The following ERG variants were observed in gnomAD, a reference collection of about 807,000 sequenced individuals.
The protein encoded by ERG is ETS transcription factor ERG.
A neutral mutation model predicts 55.3 loss-of-function variants in ERG; 9 were observed. The observed-to-expected ratio is 0.16, with a 90% CI of 0.10 to 0.28. The LOEUF (loss-of-function observed/expected upper bound fraction) is 0.28, where lower values mean the gene tolerates loss of function less well. Ranked by LOEUF, ERG falls within the 10% of genes least tolerant of loss-of-function variation. The probability of loss-of-function intolerance (pLI) is 1.00; values close to 1 mark genes in which losing one functional copy is unlikely to be tolerated. For synonymous variants in ERG, 223 were observed against 237.3 expected, an observed-to-expected ratio of 0.94 and a Z score of 0.55; for missense variants, 434 against 631.6, an observed-to-expected ratio of 0.69 and a Z score of 3.35.
At chr21:38,402,725 A>AG in intron 4 of ERG, 88 bp from the exon 5 acceptor site, 1 of 861,970 alleles carries the variant, frequency 1.2e-6, no homozygotes, top group Non-Finnish European at 1.7e-6. Context: ...AAAAAAAAAA[A>AG]AAAAAAGAAA....
intron 2 of ERG, among the ~76,000 whole-genome samples, chr21:38,544,864 A>G (rs1479700203): frequency 6.6e-6 from 1 of 151,888 alleles, no homozygotes; most frequent in Non-Finnish European, 1.5e-5. Flanking sequence ...TTTTCCCAGG[A>G]CCTTTATCAA....
chr21:38,627,673 T>C (rs970477336), intron 1 of ERG, among the ~76,000 whole-genome samples: 1 of 152,152 alleles, frequency 6.6e-6, no homozygotes, highest in Admixed American at 6.5e-5. Flanking sequence ...CTGACAAGAA[T>C]GTTTGAAATG....
At chr21:38,549,590 T>A (rs563807893) in intron 2 of ERG, among the ~76,000 whole-genome samples, 27 of 152,346 alleles carry the variant, frequency 1.8e-4, no homozygotes, top group Admixed American at 1.4e-3. Context: ...GTATGTAACA[T>A]GCCAAAGTCA....
chr21:38,559,620 T>C (rs2059880370), intron 2 of ERG, among the ~76,000 whole-genome samples: 1 of 152,168 alleles, frequency 6.6e-6, no homozygotes, highest in Non-Finnish European at 1.5e-5. Context: ...AAATGGTTTA[T>C]CTAAAGGTCT....
chr21:38,501,214 C>T (rs377521583), upstream of ERG, among the ~76,000 whole-genome samples: 3 of 151,600 alleles, frequency 2.0e-5, no homozygotes, highest in East Asian at 1.9e-4. Context: ...TGCAGGCGCC[C>T]GCCACCACAC....
At chr21:38,636,260 A>G (rs937984241) in intron 1 of ERG, among the ~76,000 whole-genome samples, 1 of 152,192 alleles carries the variant, frequency 6.6e-6, no homozygotes, top group African/African-American at 2.4e-5. Flanking sequence ...TCTTTCCTTC[A>G]TAAATTACCC....
At chr21:38,407,308 C>T (rs1988817408) in intron 3 of ERG, among the ~76,000 whole-genome samples, 3 of 152,036 alleles carry the variant, frequency 2.0e-5, no homozygotes, top group Admixed American at 1.3e-4. Flanking sequence ...TATTTAGAGA[C>T]TAAAAATTAC....
At chr21:38,492,009 A>T in intron 1 of ERG, among the ~76,000 whole-genome samples, 1 of 76,964 alleles carries the variant, frequency 1.3e-5, no homozygotes. Flanking sequence ...TAAAGTAACC[A>T]GCGATAATAA....
intron 1 of ERG, among the ~76,000 whole-genome samples, chr21:38,481,024 C>T (rs181617261): frequency 2.6e-5 from 4 of 152,284 alleles, no homozygotes; most frequent in Non-Finnish European, 5.9e-5. Flanking sequence ...CAACAGCATC[C>T]TAGCTCTCTT....
At chr21:38,557,888 G>A (rs2146829604) in intron 2 of ERG, among the ~76,000 whole-genome samples, 1 of 152,296 alleles carries the variant, frequency 6.6e-6, no homozygotes, top group Admixed American at 6.5e-5. Context: ...AGATTAGGAA[G>A]ATGTACAAAG....
At chr21:38,554,230 T>C (rs1292447731) in intron 2 of ERG, among the ~76,000 whole-genome samples, 1 of 152,212 alleles carries the variant, frequency 6.6e-6, no homozygotes, top group Non-Finnish European at 1.5e-5. Context: ...ATGCTGCGTG[T>C]GTGAATGTAA....
chr21:38,441,908 G>A (rs538435986), intron 2 of ERG, among the ~76,000 whole-genome samples: 1 of 152,286 alleles, frequency 6.6e-6, no homozygotes, highest in Admixed American at 6.5e-5. Flanking sequence ...CTGCCAAACC[G>A]ACATCACCGA....
At chr21:38,454,369 C>T (rs940059181) in intron 1 of ERG, among the ~76,000 whole-genome samples, 16 of 152,124 alleles carry the variant, frequency 1.1e-4, no homozygotes, top group African/African-American at 3.9e-4. Context: ...ATCCTTTAAC[C>T]CTTTCCTGCC....
chr21:38,391,009 C>A lies in ERG; in HGVS notation c.905G>T (p.Arg302Leu). Residue 302 changes from arginine (R) to leucine (L), a missense_variant, in exon 9 of 10, where the codon CGC becomes CTC. Transcript: ENST00000288319. ...PYQILGPTSS[R>L]LANPGSGQIQ... ...CAGTTTCTCACCTGGATTTGCAAGG[C>A]GGCTACTTGTTGGTCCAAGAATCTG... The A allele has an allele frequency of 6.2e-7, 1 of 1,613,340 alleles. No individual in the cohort carries two copies. Among genetic ancestry groups the A allele is most frequent in the Non-Finnish European group, 8.5e-7 (1 of 1,179,582 alleles).
At chr21:38,441,026 G>A (rs965146705) in intron 2 of ERG, among the ~76,000 whole-genome samples, 2 of 152,148 alleles carry the variant, frequency 1.3e-5, no homozygotes, top group African/African-American at 2.4e-5. Flanking sequence ...AGATCACTGA[G>A]CTTGAGCAGC....
intron 1 of ERG, among the ~76,000 whole-genome samples, chr21:38,658,098 C>G (rs1303857512): frequency 6.6e-6 from 1 of 152,170 alleles, no homozygotes; most frequent in Non-Finnish European, 1.5e-5. Context: ...TGGGAAAGCC[C>G]AAGTAACCTT....
chr21:38,487,176 C>A (rs2059294251), intron 1 of ERG, among the ~76,000 whole-genome samples: 1 of 133,034 alleles, frequency 7.5e-6, no homozygotes, highest in African/African-American at 2.9e-5. Flanking sequence ...TAGAAAGGTA[C>A]TAATAACAAT....
At position 38,382,621 on chromosome 21, in the gene ERG, T is replaced by C; in HGVS notation, c.*782A>G. ...CATTGTACACAGTCCCCAAATGTCC[T>C]GAGTCCAGTCTTCATTGCTTGAGAA... On this transcript the variant is annotated 3_prime_UTR_variant, in exon 10 of 10. Transcript: ENST00000288319. The C allele has an allele frequency of 2.8e-6, 3 of 1,066,436 alleles. No homozygotes were observed. Among genetic ancestry groups the C allele is most frequent in the Non-Finnish European group, 3.4e-6 (3 of 879,706 alleles). 66.1% of individuals were successfully genotyped at this position (1,066,436 alleles called of 1,614,324 possible). A position where few individuals can be genotyped will look rare whatever the true frequency, so the allele number is the denominator to read the frequency against.
intron 1 of ERG, among the ~76,000 whole-genome samples, chr21:38,613,881 G>A (rs1407508541): frequency 6.6e-6 from 1 of 152,092 alleles, no homozygotes; most frequent in Non-Finnish European, 1.5e-5. Context: ...CCCTGCCCAG[G>A]TCCTGCTGAC....
Sources: allele counts gnomAD v4.1 joint callset (sites outside exome capture counted in the v4.1 genomes callset), GRCh38; gene constraint gnomAD v4.1.1; transcripts MANE v1.5; gene names NCBI Gene and HGNC (gene_info 2026-07-23, HGNC 2026-07-21).